The following RYK variants were observed in gnomAD, a reference collection of about 807,000 sequenced individuals.
RYK encodes the protein inactive tyrosine-protein kinase RYK.
A neutral mutation model predicts 70.2 loss-of-function variants in RYK; 21 were observed. That is an observed-to-expected ratio of 0.30 (90% CI 0.21 to 0.43). RYK has a LOEUF of 0.43. Among genes scored for constraint, RYK ranks in the 20% least tolerant of loss-of-function variants. RYK has a pLI of 1.00. For missense variants in RYK, 604 were observed against 753.3 expected, an observed-to-expected ratio of 0.80 and a Z score of 2.32; for synonymous variants, 267 against 278.0, an observed-to-expected ratio of 0.96 and a Z score of 0.39.
chr3:134,250,510 C>A lies in RYK; in HGVS notation c.145G>T (p.Ala49Ser), dbSNP rs2015587288. The part of the protein sequence containing the change: ...LPAPGAAAAP[A>S]PRPPELQSAS... ...GACTGCAGCTCCGGGGGCCGCGGGG[C>A]GGGGGCGGCGGCAGCGCCAGGCGCG... Residue 49 changes from alanine to serine, a missense_variant, in exon 1 of 15, where the codon GCC (alanine) becomes TCC (serine). Coordinates refer to ENST00000623711, the MANE Select transcript of RYK (RefSeq NM_002958.4). 2 of 1,242,678 alleles carry A rather than the reference C, an allele frequency of 1.6e-6. No individual in the cohort carries two copies. Among genetic ancestry groups the A allele is most frequent in the Non-Finnish European group, 1.0e-6 (1 of 991,780 alleles). 77.0% of individuals were successfully genotyped at this position (1,242,678 alleles called of 1,614,324 possible).
At chr3:134,191,123 T>C (rs2013628516) in intron 8 of RYK, among the ~76,000 whole-genome samples, 1 of 152,072 alleles carries the variant, frequency 6.6e-6, no homozygotes. Flanking sequence ...ACAGTGGAGG[T>C]AAAAAAGTAA....
At chr3:134,188,582 G>A (rs2013545004) in intron 9 of RYK, among the ~76,000 whole-genome samples, 2 of 152,282 alleles carry the variant, frequency 1.3e-5, no homozygotes, top group South Asian at 4.1e-4. Flanking sequence ...AGTTTGACTT[G>A]CAATTAACTG....
chr3:134,217,919 T>C (rs893367746), intron 2 of RYK, among the ~76,000 whole-genome samples: 5 of 152,216 alleles, frequency 3.3e-5, no homozygotes, highest in African/African-American at 1.2e-4. Context: ...CAGAGATTAT[T>C]ACCTAGAATT....
intron 1 of RYK, among the ~76,000 whole-genome samples, chr3:134,223,855 T>C (rs2014808667): frequency 6.6e-6 from 1 of 152,220 alleles, no homozygotes; most frequent in African/African-American, 2.4e-5. Flanking sequence ...CCTCACAGTA[T>C]GCAGAGAGGT....
intron 1 of RYK, among the ~76,000 whole-genome samples, chr3:134,246,301 AATACACACACACACACACAC>A (rs1234955648): frequency 5.8e-5 from 6 of 103,664 alleles, no homozygotes; most frequent in African/African-American, 2.0e-4. Context: ...CTCAGAAAGA[AATACACACACACACACACAC>A]ACACACACAC....
chr3:134,176,854 T>C (rs2013119769), intron 11 of RYK, among the ~76,000 whole-genome samples: 3 of 151,546 alleles, frequency 2.0e-5, no homozygotes, highest in Admixed American at 2.0e-4. Context: ...ATTGAGACCA[T>C]CCTGGCTACC....
At chr3:134,215,855 C>A (rs937768353) in intron 2 of RYK, among the ~76,000 whole-genome samples, 1 of 151,842 alleles carries the variant, frequency 6.6e-6, no homozygotes, top group Admixed American at 6.6e-5. Context: ...CTGGCCAACA[C>A]GGTAAAACCC....
At chr3:134,165,661 G>A (rs957671697) in intron 13 of RYK, among the ~76,000 whole-genome samples, 16 of 152,190 alleles carry the variant, frequency 1.1e-4, no homozygotes, top group African/African-American at 3.9e-4. Context: ...GAGAGATGAT[G>A]TTCCCACCCC....
intron 1 of RYK, among the ~76,000 whole-genome samples, chr3:134,237,457 C>T (rs924724612): frequency 1.3e-5 from 2 of 151,994 alleles, no homozygotes; most frequent in African/African-American, 4.8e-5. Context: ...GGCTGGCTGT[C>T]GATAAAAGTC....
intron 6 of RYK, 101 bp downstream of exon 6, chr3:134,202,629 C>G: frequency 1.1e-6 from 1 of 931,956 alleles, no homozygotes; most frequent in Non-Finnish European, 1.6e-6. Context: ...TAATCATCCT[C>G]CCTCCTTTCC....
intron 9 of RYK, among the ~76,000 whole-genome samples, chr3:134,183,962 C>T (rs2013382455): frequency 6.6e-6 from 1 of 152,172 alleles, no homozygotes; most frequent in South Asian, 2.1e-4. Context: ...GAATTGTTTA[C>T]ATATGATGGC....
chr3:134,168,967 G>A (rs184131764), intron 13 of RYK, among the ~76,000 whole-genome samples: 20 of 152,212 alleles, frequency 1.3e-4, no homozygotes, highest in Non-Finnish European at 2.4e-4. Flanking sequence ...AGAGTCATAC[G>A]TAGCAATGTG....
At chr3:134,204,722 G>A (rs540088676) in intron 5 of RYK, among the ~76,000 whole-genome samples, 6 of 152,110 alleles carry the variant, frequency 3.9e-5, no homozygotes, top group African/African-American at 1.2e-4. Flanking sequence ...TGGTGTGACT[G>A]GAGATTCATG....
intron 4 of RYK, among the ~76,000 whole-genome samples, chr3:134,208,217 C>A (rs556247892): frequency 1.3e-5 from 2 of 152,248 alleles, no homozygotes; most frequent in South Asian, 4.1e-4. Flanking sequence ...TGATCATTAA[C>A]CTTAGCAGAT....
intron 13 of RYK, 25 bp from the exon 14 acceptor site, chr3:134,159,398 G>A: frequency 6.4e-7 from 1 of 1,562,100 alleles, no homozygotes; most frequent in Non-Finnish European, 8.7e-7. Context: ...GAAGCACAAT[G>A]AGGGGACATT....
chr3:134,158,922 TA>T (rs2012348612), intron 14 of RYK, among the ~76,000 whole-genome samples: 1 of 152,222 alleles, frequency 6.6e-6, no homozygotes, highest in Admixed American at 6.5e-5. Context: ...TTTATAACTA[TA>T]AAAGTCAGAT....
chr3:134,187,972 G>A (rs1165010571), intron 9 of RYK, among the ~76,000 whole-genome samples: 1 of 151,756 alleles, frequency 6.6e-6, no homozygotes, highest in Non-Finnish European at 1.5e-5. Flanking sequence ...CCATATGCCT[G>A]CATAAATAAC....
rs1471118362 is a variant in RYK at position 134,250,404 on chromosome 3, C to T, written c.232+19G>A. On this transcript the variant is annotated intron_variant, in intron 1 of 14. Transcript: ENST00000623711. Reference sequence around the variant, plus strand: ...AGCCGGCCCGACCTGCCCGCCCCGGCCTCGGCGGCCCCACTCACCGATCAG... The same window carrying T: ...AGCCGGCCCGACCTGCCCGCCCCGGTCTCGGCGGCCCCACTCACCGATCAG... The T allele has an allele frequency of 7.3e-6, 10 of 1,367,578 alleles. No individual in the cohort carries two copies. The highest frequency in any genetic ancestry group is 9.5e-6 in the Non-Finnish European group (10 of 1,056,114). 84.7% of individuals were successfully genotyped at this position (1,367,578 alleles called of 1,614,324 possible). A position where few individuals can be genotyped will look rare whatever the true frequency, so the allele number is the denominator to read the frequency against.
chr3:134,183,121 G>C, intron 9 of RYK, 50 bp from the exon 10 acceptor site: 1 of 1,079,318 alleles, frequency 9.3e-7, no homozygotes, highest in East Asian at 2.7e-5. Context: ...TACATATATG[G>C]CATTAACATT....
Sources: gnomAD v4.1 joint callset for allele counts (sites outside exome capture counted in the v4.1 genomes callset) on GRCh38, gnomAD v4.1.1 for gene constraint, MANE v1.5 for transcripts, NCBI Gene and HGNC (gene_info 2026-07-23, HGNC 2026-07-21) for gene names.